The following GRM7 variants were observed in gnomAD, a reference collection of about 807,000 sequenced individuals.
GRM7 encodes the protein metabotropic glutamate receptor 7.
A neutral mutation model predicts 84.5 loss-of-function variants in GRM7; 35 were observed. That is an observed-to-expected ratio of 0.41 (90% confidence interval 0.32 to 0.55). The LOEUF (loss-of-function observed/expected upper bound fraction) is 0.55, where lower values mean the gene tolerates loss of function less well. GRM7 is among the 20% of genes least tolerant of loss of function. The pLI is 0.19. For synonymous variants in GRM7, 487 were observed against 455.1 expected (o/e 1.07, Z -0.89); for missense variants, 1,003 against 1,194.6 (o/e 0.84, Z 2.36).
intron 2 of GRM7, among the ~76,000 whole-genome samples, chr3:7,289,307 C>G (rs948780374): frequency 6.6e-6 from 1 of 152,144 alleles, no homozygotes; most frequent in Non-Finnish European, 1.5e-5. Context: ...TGCCAAGATA[C>G]CAGCTGTTGA....
At chr3:6,883,461 G>A (rs967338938) in intron 1 of GRM7, among the ~76,000 whole-genome samples, 2 of 152,036 alleles carry the variant, frequency 1.3e-5, no homozygotes, top group Non-Finnish European at 2.9e-5. Context: ...TCCTTTGCCA[G>A]TATGTGAATA....
chr3:6,875,220 G>A (rs1695257692), intron 1 of GRM7, among the ~76,000 whole-genome samples: 1 of 149,054 alleles, frequency 6.7e-6, no homozygotes, highest in African/African-American at 2.4e-5. Flanking sequence ...TCTTGGTTCT[G>A]CACTTTTTTT....
chr3:6,992,178 T>G (rs1267435116), intron 1 of GRM7, among the ~76,000 whole-genome samples: 2 of 152,212 alleles, frequency 1.3e-5, no homozygotes, highest in Non-Finnish European at 2.9e-5. Context: ...TTAGTATTCC[T>G]TTCTGGGCCT....
intron 2 of GRM7, among the ~76,000 whole-genome samples, chr3:7,206,102 T>C (rs1304554684): frequency 6.6e-6 from 1 of 152,108 alleles, no homozygotes; most frequent in Non-Finnish European, 1.5e-5. Context: ...GGGATGAAAA[T>C]GCATTTGGTT....
At chr3:7,688,137 A>C (rs992261480) in intron 9 of GRM7, among the ~76,000 whole-genome samples, 1 of 152,176 alleles carries the variant, frequency 6.6e-6, no homozygotes, top group Non-Finnish European at 1.5e-5. Flanking sequence ...CAATCCATTA[A>C]AAATCCTTTT....
chr3:7,383,598 A>G (rs1484797004), intron 4 of GRM7, among the ~76,000 whole-genome samples: 1 of 152,196 alleles, frequency 6.6e-6, no homozygotes, highest in Non-Finnish European at 1.5e-5. Flanking sequence ...AAACTTTAGT[A>G]TATAACATTG....
intron 5 of GRM7, among the ~76,000 whole-genome samples, chr3:7,446,611 G>A (rs1027058432): frequency 9.2e-5 from 14 of 151,822 alleles, no homozygotes; most frequent in East Asian, 5.8e-4. Flanking sequence ...TCAGGCACAC[G>A]CCACAGCCCG....
intron 4 of GRM7, among the ~76,000 whole-genome samples, chr3:7,306,957 A>G (rs1417648521): frequency 6.6e-6 from 1 of 152,198 alleles, no homozygotes; most frequent in Admixed American, 6.5e-5. Context: ...AAGTATACAC[A>G]TCCAAGTGTG....
In GRM7 at chr3:7,135,245, A is replaced by G. The variant is rs184224708; in HGVS notation, c.520-11207A>G. ...GATGATATCTAGAAAGGAGATAAGT[A>G]TAAATCAAAGGGAGTGATGTTTCAA... On this transcript the variant is annotated intron_variant, in intron 1 of 9. Transcript: ENST00000357716. 2.6e-4 allele frequency among the ~76,000 whole-genome samples: 39 copies of G among 152,360 alleles called. No homozygotes were observed. In the East Asian group the frequency reaches 2.9e-3, roughly 11 times the overall value.
At chr3:7,146,821 T>C (rs1694125618) in intron 2 of GRM7, among the ~76,000 whole-genome samples, 153 bp downstream of exon 2, 1 of 152,174 alleles carries the variant, frequency 6.6e-6, no homozygotes, top group Admixed American at 6.5e-5. Context: ...TATGACTTTG[T>C]TGTTTTTGGA....
At chr3:7,647,147 G>A (rs1185151967) in intron 8 of GRM7, among the ~76,000 whole-genome samples, 1 of 152,202 alleles carries the variant, frequency 6.6e-6, no homozygotes, top group Non-Finnish European at 1.5e-5. Context: ...ATGAGGATGT[G>A]GGTGTGGACC....
At chr3:7,276,055 A>G (rs1699039117) in intron 2 of GRM7, among the ~76,000 whole-genome samples, 1 of 152,128 alleles carries the variant, frequency 6.6e-6, no homozygotes, top group African/African-American at 2.4e-5. Context: ...AGTTTGTCCC[A>G]TGACCTTACT....
rs979343612 is a variant in GRM7 at position 7,066,109 on chromosome 3, C to G, written c.520-80343C>G. On this transcript the variant is annotated intron_variant, in intron 1 of 9. Transcript: ENST00000357716. ...CACAAACAGACAATCTAAGGTCACA[C>G]CTCAAGGAACTAGAGAAATAAGAAC... Among the ~76,000 whole-genome samples the G allele has an allele frequency of 2.0e-5, 3 of 151,586 alleles. No individual in the cohort carries two copies. The South Asian group carries it at 6.2e-4, about 31-fold the overall frequency.
chr3:7,012,465 G>A (rs1154365), intron 1 of GRM7, among the ~76,000 whole-genome samples: 122,331 of 152,136 alleles, frequency 0.8, 49,742 homozygotes, highest in African/African-American at 0.94. Flanking sequence ...CACTACCCCA[G>A]AATAGCCCTC....
intron 7 of GRM7, among the ~76,000 whole-genome samples, chr3:7,483,664 T>C (rs1462723639): frequency 6.6e-6 from 1 of 152,088 alleles, no homozygotes; most frequent in Non-Finnish European, 1.5e-5. Flanking sequence ...AAATCTGTGG[T>C]TTTGAGGATG....
intron 2 of GRM7, among the ~76,000 whole-genome samples, chr3:7,197,123 T>G (rs1388607706): frequency 1.3e-5 from 2 of 152,134 alleles, no homozygotes; most frequent in Admixed American, 6.5e-5. Flanking sequence ...ACAAGATGAT[T>G]TTGCTTTGTA....
chr3:7,044,096 T>C (rs1338894745), intron 1 of GRM7, among the ~76,000 whole-genome samples: 1 of 152,224 alleles, frequency 6.6e-6, no homozygotes, highest in African/African-American at 2.4e-5. Context: ...AAATTACTTA[T>C]AAGCAGTCAC....
chr3:7,241,702 A>C (rs1286614025), intron 2 of GRM7, among the ~76,000 whole-genome samples: 4 of 152,166 alleles, frequency 2.6e-5, no homozygotes, highest in African/African-American at 9.6e-5. Flanking sequence ...ATATTCTATC[A>C]GCATGAAAAA....
At chr3:7,649,194 C>T (rs994660561) in intron 8 of GRM7, among the ~76,000 whole-genome samples, 26 of 151,984 alleles carry the variant, frequency 1.7e-4, no homozygotes, top group African/African-American at 3.6e-4. Context: ...CTCAGCCTCC[C>T]GAGTAGCTGG....
Sources: gnomAD v4.1 joint callset for allele counts (sites outside exome capture counted in the v4.1 genomes callset) on GRCh38, gnomAD v4.1.1 for gene constraint, MANE v1.5 for transcripts, NCBI Gene and HGNC (gene_info 2026-07-23, HGNC 2026-07-21) for gene names.